COL4A4: variants seen among roughly 807,000 people sequenced by gnomAD.
COL4A4 encodes the protein collagen alpha-4(IV) chain.
In COL4A4, 105 loss-of-function variants were observed where a neutral mutation model predicts 192.9. The observed-to-expected ratio is 0.54, with a 90% CI of 0.46 to 0.64. The LOEUF is 0.64. COL4A4 is among the 30% of genes least tolerant of loss of function. COL4A4 has a pLI of 0.00. For synonymous variants in COL4A4, 762 were observed against 769.9 expected (o/e 0.99, Z 0.17); for missense variants, 1,967 against 2,169.3 (o/e 0.91, Z 1.85).
At chr2:227,149,084 G>A (rs2063746763) in intron 1 of COL4A4, among the ~76,000 whole-genome samples, 1 of 151,938 alleles carries the variant, frequency 6.6e-6, no homozygotes, top group Admixed American at 6.6e-5. Flanking sequence ...CCTGACCTCA[G>A]GTGATCAGCC....
At chr2:226,983,888 T>C in the COL4A4 span, among the ~76,000 whole-genome samples, 1 of 152,340 alleles carries the variant, frequency 6.6e-6, no homozygotes, top group South Asian at 2.1e-4. Flanking sequence ...TCAAAAATGC[T>C]TCTTTATACC....
the COL4A4 span, among the ~76,000 whole-genome samples, chr2:226,978,659 C>T: frequency 1.8e-4 from 28 of 152,284 alleles, no homozygotes; most frequent in African/African-American, 5.1e-4. Flanking sequence ...GAGCTCACAA[C>T]GCAGTGAGAA....
intron 37 of COL4A4, among the ~76,000 whole-genome samples, chr2:227,041,852 A>AAGAAAGAGAG (rs1553633321): frequency 1.4e-5 from 1 of 71,366 alleles, no homozygotes; most frequent in Non-Finnish European, 2.8e-5. Context: ...AAGAAAGAGA[A>AAGAAAGAGAG]AGAAAGAAAG....
intron 42 of COL4A4, 21 bp downstream of exon 42, chr2:227,027,881 G>C: frequency 1.3e-6 from 2 of 1,495,168 alleles, no homozygotes; most frequent in Non-Finnish European, 1.9e-6. Context: ...ACAAAATGCT[G>C]TATGTAGGTT....
At chr2:227,026,278 A>C (rs1251467393) in intron 42 of COL4A4, among the ~76,000 whole-genome samples, 1 of 152,162 alleles carries the variant, frequency 6.6e-6, no homozygotes, top group Admixed American at 6.5e-5. Context: ...CGGGTGGATC[A>C]CGAGGTCAGG....
At chr2:226,972,929 CA>C in the COL4A4 span, among the ~76,000 whole-genome samples, 56,215 of 126,906 alleles carry the variant, frequency 0.44, 10,415 homozygotes, top group South Asian at 0.52. Context: ...AAGCCTGTAG[CA>C]AAAAAAAAAA....
At chr2:226,993,346 C>G in the COL4A4 span, among the ~76,000 whole-genome samples, 1 of 152,198 alleles carries the variant, frequency 6.6e-6, no homozygotes, top group Admixed American at 6.5e-5. Context: ...ACTCTGCCCT[C>G]AGCTAGTTCT....
At chr2:227,080,219 T>A (rs914572300) in intron 24 of COL4A4, among the ~76,000 whole-genome samples, 12 of 152,086 alleles carry the variant, frequency 7.9e-5, no homozygotes, top group Admixed American at 7.2e-4. Context: ...GGACCGAAAG[T>A]CCTGCTAGGA....
intron 4 of COL4A4, among the ~76,000 whole-genome samples, chr2:227,132,833 C>T (rs2062568709): frequency 6.6e-6 from 1 of 152,064 alleles, no homozygotes; most frequent in African/African-American, 2.4e-5. Context: ...ACCTTGGAGA[C>T]AGCTGTTTGT....
At chr2:227,034,117 C>A (rs988876975) in intron 37 of COL4A4, among the ~76,000 whole-genome samples, 1 of 152,240 alleles carries the variant, frequency 6.6e-6, no homozygotes, top group East Asian at 1.9e-4. Flanking sequence ...TGAAAACTCC[C>A]GTCTGTGTAA....
intron 41 of COL4A4, among the ~76,000 whole-genome samples, chr2:227,028,431 T>C (rs1967493894): frequency 1.3e-5 from 2 of 152,132 alleles, no homozygotes; most frequent in Non-Finnish European, 2.9e-5. Context: ...TACGTGATGT[T>C]CCTTTACTTC....
chr2:227,108,682 C>T, intron 11 of COL4A4, 60 bp from the exon 12 acceptor site: 1 of 1,589,332 alleles, frequency 6.3e-7, no homozygotes, highest in East Asian at 2.2e-5. Context: ...TAATTAAAAG[C>T]AATTAAGACT....
chr2:227,020,670 G>GA (rs758431459), intron 44 of COL4A4, among the ~76,000 whole-genome samples: 82 of 151,560 alleles, frequency 5.4e-4, no homozygotes, highest in Middle Eastern at 3.2e-3. Flanking sequence ...GTGGGGCAGT[G>GA]AGGGGGGGTG....
chr2:227,055,833 A>G, intron 30 of COL4A4, 112 bp downstream of exon 30: 1 of 984,078 alleles, frequency 1.0e-6, no homozygotes, highest in Non-Finnish European at 1.6e-6. Flanking sequence ...AGGGAAGGAC[A>G]AAGCCAGACT....
intron 35 of COL4A4, among the ~76,000 whole-genome samples, chr2:227,045,967 T>TGTATA (rs1559489776): frequency 1.1e-3 from 39 of 34,396 alleles, no homozygotes; most frequent in Non-Finnish European, 1.4e-3. Flanking sequence ...ATGTATATAT[T>TGTATA]TATATGTGTA....
At chr2:227,151,388 A>G (rs989403529) in intron 1 of COL4A4, among the ~76,000 whole-genome samples, 1 of 152,202 alleles carries the variant, frequency 6.6e-6, no homozygotes, top group African/African-American at 2.4e-5. Context: ...TATAGTTGTT[A>G]GTGAATGAAT....
chr2:226,999,533 A>C (rs1408628640), downstream of COL4A4, among the ~76,000 whole-genome samples: 3 of 152,132 alleles, frequency 2.0e-5, no homozygotes, highest in African/African-American at 7.2e-5. Flanking sequence ...TTGTGCTAAC[A>C]TTTTTTCCTT....
chr2:226,984,257 C>A, the COL4A4 span, among the ~76,000 whole-genome samples: 2 of 152,244 alleles, frequency 1.3e-5, no homozygotes, highest in African/African-American at 4.8e-5. Context: ...AAAATACTAC[C>A]ATGGACCCGG....
At chr2:226,995,675 G>T in the COL4A4 span, 1 of 627,354 alleles carries the variant, frequency 1.6e-6, no homozygotes, top group Non-Finnish European at 2.9e-6. Flanking sequence ...CAGTCCCATG[G>T]CCCCTATGAG....
Sources: allele counts gnomAD v4.1 joint callset (sites outside exome capture counted in the v4.1 genomes callset), GRCh38; gene constraint gnomAD v4.1.1; transcripts MANE v1.5; gene names NCBI Gene and HGNC (gene_info 2026-07-23, HGNC 2026-07-21).